LMBRD1: variants seen among roughly 807,000 people sequenced by gnomAD.
The protein encoded by LMBRD1 is lysosomal cobalamin transport escort protein LMBD1.
A neutral mutation model predicts 74.8 loss-of-function variants in LMBRD1; 64 were observed. That is an observed-to-expected ratio of 0.86 (90% CI 0.70 to 1.05). The LOEUF (loss-of-function observed/expected upper bound fraction) is 1.05, where lower values mean the gene tolerates loss of function less well. Among genes scored for constraint, LMBRD1 ranks in the 50% least tolerant of loss-of-function variants. The pLI is 0.00. For synonymous variants in LMBRD1, 204 were observed against 216.3 expected, an observed-to-expected ratio of 0.94 and a Z score of 0.50; for missense variants, 652 against 645.9, an observed-to-expected ratio of 1.01 and a Z score of -0.10.
chr6:69,786,196 T>C (rs1001140561), intron 2 of LMBRD1, among the ~76,000 whole-genome samples: 1 of 152,206 alleles, frequency 6.6e-6, no homozygotes, highest in African/African-American at 2.4e-5. Flanking sequence ...AGGCACATAC[T>C]ATATATTTAG....
chr6:69,749,440 T>C lies in LMBRD1; in HGVS notation c.406-32A>G. Reference sequence around the variant, plus strand: ...GCCAAGGAGAAAAAAGTATAACATTTAGCAAGCCCTTTAAAATATAAAATA... The same window carrying C: ...GCCAAGGAGAAAAAAGTATAACATTCAGCAAGCCCTTTAAAATATAAAATA... On this transcript the variant is annotated intron_variant, in intron 4 of 15. Transcript: ENST00000649934. 3 of 1,514,266 alleles carry C rather than the reference T, an allele frequency of 2.0e-6. No homozygotes were observed. The East Asian group carries it at 6.8e-5, about 34-fold the overall frequency. 93.8% of individuals were successfully genotyped at this position (1,514,266 alleles called of 1,614,324 possible). A position where few individuals can be genotyped will look rare whatever the true frequency, so the allele number is the denominator to read the frequency against.
At chr6:69,763,679 A>T (rs960267222) in intron 3 of LMBRD1, among the ~76,000 whole-genome samples, 2 of 152,174 alleles carry the variant, frequency 1.3e-5, no homozygotes, top group African/African-American at 4.8e-5. Flanking sequence ...TACAACTCCT[A>T]CCCATCAGAG....
chr6:69,792,722 C>T (rs778934090), intron 1 of LMBRD1, among the ~76,000 whole-genome samples: 4 of 152,168 alleles, frequency 2.6e-5, no homozygotes, highest in African/African-American at 9.7e-5. Flanking sequence ...TCTTTGAAAG[C>T]TGAGTCTCAT....
intron 3 of LMBRD1, among the ~76,000 whole-genome samples, chr6:69,753,015 C>A (rs992996376): frequency 1.1e-4 from 16 of 152,140 alleles, no homozygotes; most frequent in Admixed American, 1.0e-3. Context: ...GGACAAATAG[C>A]TCTTCATGAC....
At chr6:69,720,906 G>A (rs1409893486) in intron 7 of LMBRD1, among the ~76,000 whole-genome samples, 1 of 152,196 alleles carries the variant, frequency 6.6e-6, no homozygotes, top group Non-Finnish European at 1.5e-5. Flanking sequence ...AGGCACCATG[G>A]AAAGAGAATC....
At chr6:69,766,380 C>T (rs1409682141) in intron 3 of LMBRD1, among the ~76,000 whole-genome samples, 2 of 151,902 alleles carry the variant, frequency 1.3e-5, no homozygotes, top group East Asian at 3.9e-4. Context: ...ATGATCGATA[C>T]TGGAATTTTT....
chr6:69,733,551 T>C (rs536054503), intron 7 of LMBRD1, among the ~76,000 whole-genome samples: 46 of 152,134 alleles, frequency 3.0e-4, no homozygotes, highest in Non-Finnish European at 5.9e-4. Flanking sequence ...AAACTCAACA[T>C]TCATGACCAG....
chr6:69,687,338 T>G (rs1162455661), intron 14 of LMBRD1, among the ~76,000 whole-genome samples: 23 of 152,290 alleles, frequency 1.5e-4, no homozygotes, highest in African/African-American at 5.5e-4. Flanking sequence ...GCACTTTATT[T>G]TTCTCCATAA....
chr6:69,775,042 G>A (rs1164539918), intron 3 of LMBRD1, among the ~76,000 whole-genome samples: 2 of 146,484 alleles, frequency 1.4e-5, no homozygotes, highest in Non-Finnish European at 1.5e-5. Context: ...AGGGAAGGAA[G>A]GAAAAGATGA....
At chr6:69,772,478 C>T (rs547519115) in intron 3 of LMBRD1, among the ~76,000 whole-genome samples, 5 of 152,192 alleles carry the variant, frequency 3.3e-5, no homozygotes, top group African/African-American at 1.2e-4. Flanking sequence ...AAGTACAAGT[C>T]ACACTAGTTA....
intron 3 of LMBRD1, among the ~76,000 whole-genome samples, chr6:69,765,630 T>C (rs1331405320): frequency 4.6e-5 from 7 of 152,198 alleles, no homozygotes; most frequent in Non-Finnish European, 1.0e-4. Context: ...GATTGGCTTG[T>C]CAGTTTTTCA....
chr6:69,767,991 A>G (rs1765504541), intron 3 of LMBRD1, among the ~76,000 whole-genome samples: 1 of 151,932 alleles, frequency 6.6e-6, no homozygotes, highest in Non-Finnish European at 1.5e-5. Context: ...TGATATTAAT[A>G]TAGTCATTTC....
chr6:69,717,607 T>A lies in LMBRD1; in HGVS notation c.762+1349A>T, dbSNP rs373587331. Reference sequence around the variant, plus strand: ...AACTACTTTAATGTATTTTCTGATGTATCATGTTTGCATTTCTGAGATAAA... The same window carrying A: ...AACTACTTTAATGTATTTTCTGATGAATCATGTTTGCATTTCTGAGATAAA... On this transcript the variant is annotated intron_variant, in intron 8 of 15. Transcript: ENST00000649934. 2.0e-5 allele frequency among the ~76,000 whole-genome samples: 3 copies of A among 152,228 alleles called. No homozygotes were observed. In the East Asian group the frequency reaches 5.8e-4, roughly 29 times the overall value.
chr6:69,714,000 T>C (rs1766440309), intron 8 of LMBRD1, among the ~76,000 whole-genome samples: 1 of 152,054 alleles, frequency 6.6e-6, no homozygotes, highest in Admixed American at 6.6e-5. Context: ...TGTGTGTACA[T>C]TTATGCCTAC....
At chr6:69,786,895 A>G (rs879322950) in intron 2 of LMBRD1, among the ~76,000 whole-genome samples, 39 of 152,328 alleles carry the variant, frequency 2.6e-4, no homozygotes, top group Non-Finnish European at 5.0e-4. Flanking sequence ...TTAGAAGACA[A>G]GTCCATAATT....
At chr6:69,752,638 A>G (rs1765183745) in intron 3 of LMBRD1, among the ~76,000 whole-genome samples, 1 of 152,216 alleles carries the variant, frequency 6.6e-6, no homozygotes, top group South Asian at 2.1e-4. Context: ...GTGGCAGCTG[A>G]CATATGAGCT....
intron 14 of LMBRD1, among the ~76,000 whole-genome samples, chr6:69,678,352 T>C (rs1309473763): frequency 6.6e-6 from 1 of 152,014 alleles, no homozygotes; most frequent in Non-Finnish European, 1.5e-5. Flanking sequence ...GAGGGGTTGG[T>C]CTTGCTGTCT....
intron 1 of LMBRD1, among the ~76,000 whole-genome samples, chr6:69,793,862 G>C (rs1349960715): frequency 6.6e-6 from 1 of 151,658 alleles, no homozygotes; most frequent in Non-Finnish European, 1.5e-5. Context: ...TGGAACCTCA[G>C]GCATTTGCCA....
At chr6:69,716,787 T>A (rs942588646) in intron 8 of LMBRD1, among the ~76,000 whole-genome samples, 1 of 151,918 alleles carries the variant, frequency 6.6e-6, no homozygotes, top group African/African-American at 2.4e-5. Context: ...TAAACATTCT[T>A]ACATACCTGG....
Sources: gnomAD v4.1 joint callset for allele counts (sites outside exome capture counted in the v4.1 genomes callset) on GRCh38, gnomAD v4.1.1 for gene constraint, MANE v1.5 for transcripts, NCBI Gene and HGNC (gene_info 2026-07-23, HGNC 2026-07-21) for gene names.